Variants in MALRD1 observed in about 807,000 individuals in gnomAD.
MALRD1 encodes MAM and LDL-receptor class A domain-containing protein 1.
A neutral mutation model predicts 242.1 loss-of-function variants in MALRD1; 247 were observed. That is an observed-to-expected ratio of 1.02 (90% CI 0.92 to 1.13). The LOEUF is 1.13. MALRD1 is among the 50% of genes most tolerant of loss of function. The pLI is 0.00. For synonymous variants in MALRD1, 995 were observed against 866.6 expected (o/e 1.15, Z -2.60); for missense variants, 2,989 against 2,533.1 (o/e 1.18, Z -3.86).
At chr10:19,244,873 A>G (rs953272872) in intron 18 of MALRD1, among the ~76,000 whole-genome samples, 4 of 152,128 alleles carry the variant, frequency 2.6e-5, no homozygotes, top group African/African-American at 9.7e-5. Flanking sequence ...ATAAATTAAG[A>G]GCAAATACAG....
At chr10:19,608,745 G>T (rs1341316270) in intron 35 of MALRD1, among the ~76,000 whole-genome samples, 2 of 152,038 alleles carry the variant, frequency 1.3e-5, no homozygotes, top group African/African-American at 2.4e-5. Flanking sequence ...AAATCACATT[G>T]TGAAAAAGTC....
At chr10:19,142,897 C>T (rs112979044) in intron 10 of MALRD1, among the ~76,000 whole-genome samples, 143 of 152,188 alleles carry the variant, frequency 9.4e-4, no homozygotes, top group African/African-American at 3.4e-3. Flanking sequence ...ATTTAGTTAC[C>T]GGAATTTGAT....
intron 38 of MALRD1, among the ~76,000 whole-genome samples, chr10:19,693,300 C>T (rs7478193): frequency 0.43 from 64,375 of 150,712 alleles, 13,854 homozygotes; most frequent in Non-Finnish European, 0.45. Flanking sequence ...TGTTTGCAGA[C>T]GACATGATTG....
chr10:19,308,367 T>C (rs967183084), intron 21 of MALRD1, among the ~76,000 whole-genome samples: 1 of 151,572 alleles, frequency 6.6e-6, no homozygotes, highest in African/African-American at 2.4e-5. Context: ...AACTATATGG[T>C]ATATTATTGT....
chr10:19,401,469 G>T (rs1354766379), intron 28 of MALRD1, among the ~76,000 whole-genome samples: 4 of 152,046 alleles, frequency 2.6e-5, no homozygotes, highest in Admixed American at 2.0e-4. Flanking sequence ...ATCCAAAACT[G>T]CTTTTTGAAT....
chr10:19,454,431 T>TATATATATATATATATATATATAAAA (rs1011890675), intron 29 of MALRD1, among the ~76,000 whole-genome samples: 1 of 136,712 alleles, frequency 7.3e-6, no homozygotes, highest in Non-Finnish European at 1.6e-5. Context: ...TATATATATA[T>TATATATATATATATATATATATAAAA]AATTATATGA....
intron 24 of MALRD1, among the ~76,000 whole-genome samples, chr10:19,332,856 T>G (rs1009380779): frequency 1.3e-5 from 2 of 152,114 alleles, no homozygotes; most frequent in South Asian, 2.1e-4. Context: ...ACTGACAGAG[T>G]TGGTCCTAGA....
chr10:19,081,630 G>A (rs1325398845), intron 2 of MALRD1, among the ~76,000 whole-genome samples: 1 of 152,012 alleles, frequency 6.6e-6, no homozygotes, highest in Admixed American at 6.6e-5. Context: ...GAGAGGGGAG[G>A]TAGAGCATCA....
At chr10:19,216,807 G>C (rs2358360) in intron 18 of MALRD1, among the ~76,000 whole-genome samples, 9,911 of 151,826 alleles carry the variant, frequency 0.065, 431 homozygotes, top group Middle Eastern at 0.11. Context: ...TTAGCTGGGC[G>C]TGGTGGTGCG....
chr10:19,109,496 T>G (rs1663424311), intron 5 of MALRD1, among the ~76,000 whole-genome samples: 2 of 152,198 alleles, frequency 1.3e-5, no homozygotes, highest in South Asian at 4.1e-4. Flanking sequence ...CTCATAAGCT[T>G]GGCCACCGGG....
At chr10:19,420,934 T>C (rs540504502) in intron 28 of MALRD1, among the ~76,000 whole-genome samples, 1 of 152,314 alleles carries the variant, frequency 6.6e-6, no homozygotes, top group African/African-American at 2.4e-5. Flanking sequence ...TTGTCTCTTT[T>C]GAGTTGCCAT....
intron 2 of MALRD1, among the ~76,000 whole-genome samples, chr10:19,074,826 T>C (rs1365758683): frequency 6.6e-6 from 1 of 152,112 alleles, no homozygotes; most frequent in Non-Finnish European, 1.5e-5. Context: ...TAGATGGATA[T>C]ATTCTTCAAA....
At chr10:19,603,059 A>G (rs1188974150) in intron 34 of MALRD1, among the ~76,000 whole-genome samples, 2 of 151,920 alleles carry the variant, frequency 1.3e-5, no homozygotes, top group African/African-American at 4.8e-5. Context: ...TTTCTTGTAA[A>G]TTTGTTTGAG....
chr10:19,125,322 C>CTTTCTTTCT (rs34141625), intron 7 of MALRD1, among the ~76,000 whole-genome samples: 33 of 63,796 alleles, frequency 5.2e-4, no homozygotes, highest in East Asian at 1.3e-3. Flanking sequence ...TCCTTCCTTC[C>CTTTCTTTCT]TTCTTTCTTT....
At chr10:19,678,531 CT>C (rs1188093299) in intron 36 of MALRD1, among the ~76,000 whole-genome samples, 9 of 152,274 alleles carry the variant, frequency 5.9e-5, no homozygotes, top group African/African-American at 2.2e-4. Flanking sequence ...TATCCTGAGA[CT>C]TTGCTAAAGT....
At chr10:19,220,257 T>C (rs1445974283) in intron 18 of MALRD1, among the ~76,000 whole-genome samples, 3 of 152,140 alleles carry the variant, frequency 2.0e-5, no homozygotes, top group Non-Finnish European at 2.9e-5. Flanking sequence ...GAATAGCCTA[T>C]GTAGAGGGAC....
intron 28 of MALRD1, among the ~76,000 whole-genome samples, chr10:19,412,173 C>T (rs1833301137): frequency 6.6e-6 from 1 of 152,154 alleles, no homozygotes; most frequent in African/African-American, 2.4e-5. Context: ...GGCCTGTAAT[C>T]CCAGCTACTC....
At chr10:19,389,279 C>T (rs1193998853) in intron 27 of MALRD1, 173 bp from the exon 28 acceptor site, 1 of 747,340 alleles carries the variant, frequency 1.3e-6, no homozygotes, top group Non-Finnish European at 2.3e-6. Flanking sequence ...GGAAATTGTT[C>T]TGTCAGCAAG....
chr10:19,354,178 G>A (rs1479328593), intron 26 of MALRD1, among the ~76,000 whole-genome samples: 1 of 152,008 alleles, frequency 6.6e-6, no homozygotes, highest in Non-Finnish European at 1.5e-5. Context: ...TAGGAAATCT[G>A]CAACAGGAAA....
Sources: allele counts gnomAD v4.1 joint callset (sites outside exome capture counted in the v4.1 genomes callset), GRCh38; gene constraint gnomAD v4.1.1; transcripts MANE v1.5; gene names NCBI Gene and HGNC (gene_info 2026-07-23, HGNC 2026-07-21).